Variants in NELL1 observed in about 807,000 individuals in gnomAD.
NELL1 encodes the protein protein kinase C-binding protein NELL1.
Under a neutral mutation model 107.4 loss-of-function variants are expected in NELL1, and 76 were observed. The observed-to-expected ratio is 0.71, with a 90% CI of 0.59 to 0.86. The LOEUF is 0.86. Ranked by LOEUF, NELL1 falls within the 40% of genes least tolerant of loss-of-function variation. The pLI is 0.00. For synonymous variants in NELL1, 353 were observed against 341.2 expected (o/e 1.03, Z -0.38); for missense variants, 1,024 against 1,005.5 (o/e 1.02, Z -0.25).
At chr11:21,483,862 T>G (rs1480456800) in intron 15 of NELL1, among the ~76,000 whole-genome samples, 2 of 92,320 alleles carry the variant, frequency 2.2e-5, no homozygotes, top group Non-Finnish European at 2.4e-5. Context: ...TATATATACA[T>G]ATACAAACAC....
Position 21,560,265 on chromosome 11 carries a change from C to G in NELL1, c.1863C>G (p.Asp621Glu), listed in dbSNP as rs1486208436. 2.5e-6 allele frequency: 4 copies of G among 1,613,638 alleles called. No homozygotes were observed. The Admixed American group carries it at 6.7e-5, about 27-fold the overall frequency. The change falls in exon 17 of 20, where the codon GAC (aspartate) becomes GAG (glutamate). Residue 621 changes from aspartate to glutamate, a missense_variant. Transcript: ENST00000357134. ...SACINLAGGF[D>E]CLCPSGPSCS... is the part of the protein sequence containing the mutation. ...GCATCAACCTGGCAGGGGGCTTTGA[C>G]TGTCTCTGCCCCTCTGGGCCCTCCT...
rs1056860739 is a variant in NELL1 at position 20,876,591 on chromosome 11, G to A, written c.507-8853G>A. Among the ~76,000 whole-genome samples, 11 of 152,044 alleles carry A rather than the reference G, an allele frequency of 7.2e-5. 1 individual carries two copies. In the East Asian group the frequency reaches 1.7e-3, roughly 24 times the overall value. The stretch of plus-strand genomic sequence containing the variant: ...CATCCTGGCTAACACGGTGAAACCC[G>A]GTCTCTACTAAAAATACAAAAAAAT... On this transcript the variant is annotated intron_variant, in intron 4 of 19. Coordinates refer to ENST00000357134, the MANE Select transcript of NELL1 (RefSeq NM_006157.5).
chr11:21,551,402 G>T (rs1015334326), intron 16 of NELL1, among the ~76,000 whole-genome samples: 3 of 151,996 alleles, frequency 2.0e-5, no homozygotes, highest in Non-Finnish European at 2.9e-5. Flanking sequence ...GTGAGAGAAG[G>T]CATCCCTGTC....
At chr11:21,425,520 G>C (rs1852798649) in intron 15 of NELL1, among the ~76,000 whole-genome samples, 1 of 152,190 alleles carries the variant, frequency 6.6e-6, no homozygotes, top group Non-Finnish European at 1.5e-5. Context: ...ACTGGAGTCA[G>C]AGAAAATGTG....
intron 14 of NELL1, among the ~76,000 whole-genome samples, chr11:21,359,663 T>C (rs1309545944): frequency 6.6e-6 from 1 of 152,110 alleles, no homozygotes; most frequent in Non-Finnish European, 1.5e-5. Context: ...AAAATTACTG[T>C]TTCAATCTCA....
At chr11:21,499,373 C>T (rs931549703) in intron 15 of NELL1, among the ~76,000 whole-genome samples, 2 of 152,034 alleles carry the variant, frequency 1.3e-5, no homozygotes, top group African/African-American at 4.8e-5. Flanking sequence ...ATATATATGC[C>T]TATTTTTCAG....
chr11:20,907,517 A>AAT (rs1446874839), intron 5 of NELL1, among the ~76,000 whole-genome samples: 2 of 152,116 alleles, frequency 1.3e-5, no homozygotes, highest in Admixed American at 1.3e-4. Flanking sequence ...AACCTCCAAT[A>AAT]ATATATCACT....
intron 9 of NELL1, among the ~76,000 whole-genome samples, chr11:20,928,711 A>G (rs12286807): frequency 0.033 from 4,975 of 152,040 alleles, 222 homozygotes; most frequent in East Asian, 0.16. Flanking sequence ...TGTAATTACT[A>G]TTCTTCTTTC....
intron 3 of NELL1, among the ~76,000 whole-genome samples, chr11:20,838,135 C>T (rs967715512): frequency 6.6e-6 from 1 of 151,626 alleles, no homozygotes; most frequent in Non-Finnish European, 1.5e-5. Flanking sequence ...GAGAATTGCA[C>T]ATTACTTCTA....
At chr11:21,202,943 G>C (rs774055929) in intron 13 of NELL1, among the ~76,000 whole-genome samples, 1 of 152,190 alleles carries the variant, frequency 6.6e-6, no homozygotes, top group African/African-American at 2.4e-5. Flanking sequence ...TTTTGAGTGA[G>C]TTTCTTATTC....
At chr11:21,321,167 G>A (rs1850001169) in intron 14 of NELL1, among the ~76,000 whole-genome samples, 1 of 152,200 alleles carries the variant, frequency 6.6e-6, no homozygotes, top group Non-Finnish European at 1.5e-5. Flanking sequence ...CACCTTTGGT[G>A]CTGTACATGA....
At chr11:21,151,826 A>G (rs1590684539) in intron 13 of NELL1, among the ~76,000 whole-genome samples, 1 of 152,318 alleles carries the variant, frequency 6.6e-6, no homozygotes, top group African/African-American at 2.4e-5. Flanking sequence ...GCAAAAGTCA[A>G]ATGAATAGCC....
chr11:20,977,357 C>T (rs955542535), intron 12 of NELL1, among the ~76,000 whole-genome samples: 1 of 151,264 alleles, frequency 6.6e-6, no homozygotes, highest in African/African-American at 2.4e-5. Context: ...CTCCGCCTCT[C>T]GGGTTCACAC....
At chr11:21,571,054 T>A in intron 18 of NELL1, 114 bp downstream of exon 18, 1 of 870,012 alleles carries the variant, frequency 1.1e-6, no homozygotes, top group South Asian at 1.7e-5. Context: ...GGGAGCTCTG[T>A]GGGGCCTGTG....
intron 15 of NELL1, among the ~76,000 whole-genome samples, chr11:21,504,828 G>A (rs1341589009): frequency 1.3e-5 from 2 of 152,068 alleles, no homozygotes; most frequent in African/African-American, 4.8e-5. Context: ...CTAGATCCTT[G>A]CTGCCACTCT....
intron 2 of NELL1, among the ~76,000 whole-genome samples, chr11:20,716,346 A>G (rs1254225522): frequency 6.6e-6 from 1 of 152,246 alleles, no homozygotes. Context: ...ACAAAATAAA[A>G]ATACACACAA....
intron 12 of NELL1, among the ~76,000 whole-genome samples, chr11:21,039,337 C>G (rs1021477164): frequency 3.9e-5 from 6 of 152,092 alleles, no homozygotes; most frequent in African/African-American, 1.4e-4. Flanking sequence ...AAGCATGTAT[C>G]ACAACACCTG....
intron 2 of NELL1, among the ~76,000 whole-genome samples, chr11:20,743,203 G>T (rs1217410698): frequency 6.6e-6 from 1 of 151,864 alleles, no homozygotes; most frequent in Non-Finnish European, 1.5e-5. Context: ...AAAATACAAA[G>T]ATTAGCCAGG....
At chr11:21,103,847 A>G (rs1427393369) in intron 12 of NELL1, among the ~76,000 whole-genome samples, 1 of 152,124 alleles carries the variant, frequency 6.6e-6, no homozygotes, top group African/African-American at 2.4e-5. Flanking sequence ...AGTCTCTTTC[A>G]ACGGAATTAG....
Sources: allele counts gnomAD v4.1 joint callset (sites outside exome capture counted in the v4.1 genomes callset), GRCh38; gene constraint gnomAD v4.1.1; transcripts MANE v1.5; gene names NCBI Gene and HGNC (gene_info 2026-07-23, HGNC 2026-07-21).